Variants in FOCAD observed in about 807,000 individuals in gnomAD.
The protein encoded by FOCAD is KIAA1797.
Under a neutral mutation model 225.6 loss-of-function variants are expected in FOCAD, and 198 were observed. That is an observed-to-expected ratio of 0.88 (90% CI 0.78 to 0.99). The LOEUF is 0.99. Among genes scored for constraint, FOCAD ranks in the 50% least tolerant of loss-of-function variants. The pLI, the probability that FOCAD is intolerant of heterozygous loss-of-function variation, is 0.00. For synonymous variants in FOCAD, 897 were observed against 755.0 expected, an observed-to-expected ratio of 1.19 and a Z score of -3.08; for missense variants, 2,713 against 2,123.6, an observed-to-expected ratio of 1.28 and a Z score of -5.46.
intron 15 of FOCAD, among the ~76,000 whole-genome samples, chr9:20,842,554 G>C (rs1404509381): frequency 6.6e-6 from 1 of 151,468 alleles, no homozygotes; most frequent in Non-Finnish European, 1.5e-5. Flanking sequence ...GCTCTTTTTT[G>C]GTTTCCATTG....
intron 28 of FOCAD, among the ~76,000 whole-genome samples, chr9:20,937,462 A>G (rs1287173912): frequency 6.6e-6 from 1 of 152,032 alleles, no homozygotes; most frequent in African/African-American, 2.4e-5. Context: ...AAAGCTGACA[A>G]AAACAAGCAA....
intron 16 of FOCAD, among the ~76,000 whole-genome samples, chr9:20,865,037 G>A (rs1269902820): frequency 6.6e-6 from 1 of 152,058 alleles, no homozygotes; most frequent in Admixed American, 6.6e-5. Flanking sequence ...CTGAATCCAG[G>A]ACTTTCTAGT....
chr9:20,723,544 A>C (rs1825957364), intron 4 of FOCAD, among the ~76,000 whole-genome samples: 1 of 152,152 alleles, frequency 6.6e-6, no homozygotes, highest in South Asian at 2.1e-4. Flanking sequence ...TTCACATTGG[A>C]TATTTTAGGC....
chr9:20,960,408 A>G (rs7020719), intron 35 of FOCAD, among the ~76,000 whole-genome samples: 57,006 of 151,970 alleles, frequency 0.38, 10,943 homozygotes, highest in East Asian at 0.46. Flanking sequence ...TCCACTATGA[A>G]CTTATTCTTT....
intron 5 of FOCAD, among the ~76,000 whole-genome samples, chr9:20,753,736 GCTACATAA>G (rs1828786192): frequency 1.3e-5 from 2 of 151,988 alleles, no homozygotes; most frequent in Admixed American, 1.3e-4. Context: ...TATGGACATG[GCTACATAA>G]CAGTAAATGA....
At chr9:20,918,913 T>C (rs1834114659) in intron 24 of FOCAD, among the ~76,000 whole-genome samples, 1 of 152,170 alleles carries the variant, frequency 6.6e-6, no homozygotes, top group Non-Finnish European at 1.5e-5. Context: ...TCCTCCAACA[T>C]GAGGCCTTCA....
intron 42 of FOCAD, 136 bp downstream of exon 42, chr9:20,990,510 C>A: frequency 9.2e-7 from 1 of 1,089,054 alleles, no homozygotes; most frequent in Non-Finnish European, 1.3e-6. Context: ...CATATCTCAG[C>A]CAGATGCAGA....
chr9:20,688,960 T>C (rs978722312), intron 1 of FOCAD, among the ~76,000 whole-genome samples: 7 of 152,150 alleles, frequency 4.6e-5, no homozygotes, highest in Non-Finnish European at 1.0e-4. Flanking sequence ...GTTACGTGCG[T>C]ATGGTAAGAT....
intron 21 of FOCAD, among the ~76,000 whole-genome samples, chr9:20,897,638 C>G (rs549464229): frequency 2.8e-4 from 43 of 151,786 alleles, no homozygotes; most frequent in Non-Finnish European, 5.3e-4. Context: ...AGTGCAAATA[C>G]TTTATAATAA....
chr9:20,769,944 A>T, intron 7 of FOCAD, 88 bp from the exon 8 acceptor site: 2 of 1,236,268 alleles, frequency 1.6e-6, no homozygotes, highest in Non-Finnish European at 1.1e-6. Flanking sequence ...TAGAGAAAAA[A>T]TTACATTGTT....
intron 8 of FOCAD, among the ~76,000 whole-genome samples, chr9:20,771,408 G>C (rs1368936705): frequency 6.6e-6 from 1 of 152,202 alleles, no homozygotes; most frequent in African/African-American, 2.4e-5. Context: ...AATAGGGTAG[G>C]AAGTGAGGAG....
intron 35 of FOCAD, among the ~76,000 whole-genome samples, chr9:20,956,787 C>T (rs531899695): frequency 6.6e-6 from 1 of 152,224 alleles, no homozygotes; most frequent in East Asian, 1.9e-4. Context: ...GACTCTACAG[C>T]TATTATCATT....
chr9:20,685,714 C>T (rs1822623813), intron 1 of FOCAD, among the ~76,000 whole-genome samples: 1 of 152,108 alleles, frequency 6.6e-6, no homozygotes, highest in Admixed American at 6.5e-5. Flanking sequence ...CTTACTTAAT[C>T]AATGTTAGGT....
chr9:20,951,622 C>T (rs1837697759), intron 34 of FOCAD, among the ~76,000 whole-genome samples: 1 of 152,062 alleles, frequency 6.6e-6, no homozygotes, highest in Non-Finnish European at 1.5e-5. Flanking sequence ...TGGGGTAGTA[C>T]ATTTAAAGGT....
At chr9:20,655,739 A>AT (rs1821467356), upstream of FOCAD, among the ~76,000 whole-genome samples, 1 of 152,170 alleles carries the variant, frequency 6.6e-6, no homozygotes, top group Non-Finnish European at 1.5e-5. Flanking sequence ...TCCTGGAGTC[A>AT]TGACTTTTTT....
At chr9:20,832,495 A>G (rs1335720735) in intron 15 of FOCAD, among the ~76,000 whole-genome samples, 1 of 152,048 alleles carries the variant, frequency 6.6e-6, no homozygotes, top group African/African-American at 2.4e-5. Flanking sequence ...TAAGTACATC[A>G]TGGAGAATGG....
intron 11 of FOCAD, among the ~76,000 whole-genome samples, chr9:20,794,095 C>G (rs1287146363): frequency 6.6e-6 from 1 of 152,160 alleles, no homozygotes; most frequent in East Asian, 1.9e-4. Context: ...CAGCTCCCTG[C>G]AACCAACTTG....
chr9:20,824,220 T>C (rs1042634138), intron 15 of FOCAD, among the ~76,000 whole-genome samples: 9 of 152,130 alleles, frequency 5.9e-5, no homozygotes, highest in East Asian at 1.9e-4. Flanking sequence ...TCATCTGAGA[T>C]TGGGAAATAT....
intron 41 of FOCAD, 26 bp from the exon 42 acceptor site, chr9:20,990,097 T>A (rs1412969642): frequency 6.2e-7 from 1 of 1,612,848 alleles, no homozygotes; most frequent in East Asian, 2.2e-5. Flanking sequence ...AAATATGACC[T>A]AACGTCATTT....
Sources: allele counts gnomAD v4.1 joint callset (sites outside exome capture counted in the v4.1 genomes callset), GRCh38; gene constraint gnomAD v4.1.1; transcripts MANE v1.5; gene names NCBI Gene and HGNC (gene_info 2026-07-23, HGNC 2026-07-21).